Variants in SENP6 observed in about 807,000 individuals in gnomAD.
The protein encoded by SENP6 is SUMO specific peptidase 6.
In SENP6, 41 loss-of-function variants were observed where a neutral mutation model predicts 134.5. The observed-to-expected ratio is 0.30, with a 90% CI of 0.24 to 0.40. The LOEUF (loss-of-function observed/expected upper bound fraction) is 0.40, where lower values mean the gene tolerates loss of function less well. Among genes scored for constraint, SENP6 ranks in the 10% least tolerant of loss-of-function variants. SENP6 has a pLI of 1.00. For missense variants in SENP6, 1,248 were observed against 1,312.5 expected (o/e 0.95, Z 0.76); for synonymous variants, 395 against 429.8 (o/e 0.92, Z 1.00).
intron 6 of SENP6, among the ~76,000 whole-genome samples, chr6:75,645,337 C>A (rs902254571): frequency 1.3e-5 from 2 of 152,122 alleles, no homozygotes; most frequent in African/African-American, 4.8e-5. Context: ...AAATGCTGGC[C>A]AGGTGTGGTG....
intron 8 of SENP6, among the ~76,000 whole-genome samples, chr6:75,659,987 T>A (rs1343672752): frequency 6.6e-6 from 1 of 152,194 alleles, no homozygotes; most frequent in Non-Finnish European, 1.5e-5. Flanking sequence ...CCCATTCAAA[T>A]TTCAGCTAAA....
Position 75,676,072 on chromosome 6 carries a change from G to T in SENP6, c.1621+18G>T, listed in dbSNP as rs1348745680. 2.0e-6 allele frequency: 3 copies of T among 1,481,766 alleles called. No homozygotes were observed. The highest frequency in any genetic ancestry group is 2.8e-5 in the African/African-American group (2 of 70,668). The allele number at this position is 1,481,766 out of a possible 1,614,324, so 91.8% of individuals were successfully genotyped here. ...ATTAACAAGTAAGTTGTGTAAAACAGATTATAATAGATAATAATAGATACT... is the reference window on the plus strand; with the variant it reads ...ATTAACAAGTAAGTTGTGTAAAACATATTATAATAGATAATAATAGATACT... On this transcript the variant is annotated intron_variant, in intron 13 of 23. Coordinates refer to ENST00000447266, the MANE Select transcript of SENP6 (RefSeq NM_015571.4).
chr6:75,693,334 G>A lies in SENP6; in HGVS notation c.2076-2470G>A, dbSNP rs535902149. ...GCAGGAGAATCACTTGAACCTGGAG[G>A]TGGAGATTGCAGTGAGCCAAGATTG... is the stretch of plus-strand genomic sequence containing the variant. On this transcript the variant is annotated intron_variant, in intron 16 of 23. Transcript: ENST00000447266. 5.7e-4 allele frequency among the ~76,000 whole-genome samples: 87 copies of A among 151,620 alleles called. 2 individuals are homozygous for A. In the South Asian group the frequency reaches 6.9e-3, roughly 12 times the overall value.
intron 7 of SENP6, 128 bp from the exon 8 acceptor site, chr6:75,659,134 A>G: frequency 5.8e-6 from 4 of 692,614 alleles, no homozygotes; most frequent in Non-Finnish European, 9.5e-6. Context: ...GAGGAGTGAA[A>G]AATAAATAAG....
chr6:75,672,773 A>AT (rs1223203078), intron 11 of SENP6, among the ~76,000 whole-genome samples: 1 of 152,150 alleles, frequency 6.6e-6, no homozygotes, highest in African/African-American at 2.4e-5. Flanking sequence ...TTATTAGATA[A>AT]TTTAATCATT....
intron 1 of SENP6, among the ~76,000 whole-genome samples, chr6:75,604,499 G>A (rs937892239): frequency 6.6e-6 from 1 of 151,850 alleles, no homozygotes; most frequent in Non-Finnish European, 1.5e-5. Context: ...TGTGTGGTTG[G>A]CGCGCGCCTG....
At chr6:75,626,024 T>C (rs2149832703) in intron 3 of SENP6, among the ~76,000 whole-genome samples, 1 of 152,318 alleles carries the variant, frequency 6.6e-6, no homozygotes, top group East Asian at 1.9e-4. Context: ...CAGGTATATG[T>C]ATAGTTCCAC....
At chr6:75,708,580 A>C (rs183522032) in intron 19 of SENP6, among the ~76,000 whole-genome samples, 172 of 152,238 alleles carry the variant, frequency 1.1e-3, no homozygotes, top group African/African-American at 3.9e-3. Context: ...AAAGAGTGAG[A>C]GAAATCCTGT....
At chr6:75,670,337 A>G (rs756933200) in intron 10 of SENP6, among the ~76,000 whole-genome samples, 5 of 152,198 alleles carry the variant, frequency 3.3e-5, no homozygotes, top group Non-Finnish European at 5.9e-5. Flanking sequence ...CTATTACTCA[A>G]ATTTAAATAA....
chr6:75,605,590 A>C (rs572706104), intron 1 of SENP6, among the ~76,000 whole-genome samples: 1 of 152,210 alleles, frequency 6.6e-6, no homozygotes, highest in African/African-American at 2.4e-5. Flanking sequence ...TAACTAAGAG[A>C]CACTTCAGAA....
chr6:75,645,594 C>G (rs1291619742), intron 6 of SENP6, among the ~76,000 whole-genome samples: 1 of 152,106 alleles, frequency 6.6e-6, no homozygotes, highest in Non-Finnish European at 1.5e-5. Flanking sequence ...GTTCTCCAGC[C>G]TGGTGACAGA....
At chr6:75,637,227 A>G (rs1284420049) in intron 5 of SENP6, among the ~76,000 whole-genome samples, 3 of 152,176 alleles carry the variant, frequency 2.0e-5, no homozygotes, top group Non-Finnish European at 4.4e-5. Context: ...CTGGTAATTC[A>G]TACATAGTGT....
chr6:75,663,573 A>G (rs557790656), intron 9 of SENP6, 55 bp downstream of exon 9: 17 of 1,359,884 alleles, frequency 1.3e-5, no homozygotes, highest in East Asian at 2.3e-5. Flanking sequence ...TTTTTCAGAT[A>G]TATTTTTACA....
intron 1 of SENP6, among the ~76,000 whole-genome samples, chr6:75,621,231 AT>A (rs981246413): frequency 6.6e-6 from 1 of 152,178 alleles, no homozygotes; most frequent in African/African-American, 2.4e-5. Flanking sequence ...CAAAGATGAG[AT>A]TTAGGGCTGA....
At chr6:75,661,889 T>TA (rs1271271214) in intron 8 of SENP6, among the ~76,000 whole-genome samples, 8 of 151,908 alleles carry the variant, frequency 5.3e-5, no homozygotes, top group South Asian at 2.1e-4. Flanking sequence ...CCGTCTCTAC[T>TA]AAAAAAACAA....
Position 75,636,850 on chromosome 6 carries a change from A to G in SENP6, c.458+2039A>G, listed in dbSNP as rs151067115. ...ACATTGGCTTTTACAGCTTCTCCTAAATTTTCTTATTTTCTGAAGTCTTAA... is the reference window on the plus strand; with the variant it reads ...ACATTGGCTTTTACAGCTTCTCCTAGATTTTCTTATTTTCTGAAGTCTTAA... On this transcript the variant is annotated intron_variant, in intron 5 of 23. Transcript: ENST00000447266. Among the ~76,000 whole-genome samples, 30 of 151,364 alleles carry G rather than the reference A, an allele frequency of 2.0e-4. No individual in the cohort carries two copies. In the East Asian group the frequency reaches 5.8e-3, roughly 29 times the overall value.
chr6:75,622,938 T>TA, intron 2 of SENP6: 1 of 595,324 alleles, frequency 1.7e-6, no homozygotes, highest in Non-Finnish European at 2.5e-6. Flanking sequence ...TACTTTAAAA[T>TA]ATAAAACAAT....
At chr6:75,712,312 C>G (rs1199611548) in intron 21 of SENP6, among the ~76,000 whole-genome samples, 1 of 151,750 alleles carries the variant, frequency 6.6e-6, no homozygotes, top group Non-Finnish European at 1.5e-5. Flanking sequence ...AATGCAGCAT[C>G]ATTCTACAGA....
At chr6:75,678,515 G>A in intron 14 of SENP6, 68 bp from the exon 15 acceptor site, 2 of 779,444 alleles carry the variant, frequency 2.6e-6, no homozygotes, top group East Asian at 2.5e-5. Context: ...TTCTTGCCTT[G>A]TGCTTACCCT....
Sources: gnomAD v4.1 joint callset for allele counts (sites outside exome capture counted in the v4.1 genomes callset) on GRCh38, gnomAD v4.1.1 for gene constraint, MANE v1.5 for transcripts, NCBI Gene and HGNC (gene_info 2026-07-23, HGNC 2026-07-21) for gene names.